Variants in TGFBR3 observed in about 807,000 individuals in gnomAD.
The protein encoded by TGFBR3 is transforming growth factor beta receptor 3, also known as transforming growth factor beta receptor type 3.
Under a neutral mutation model 87.9 loss-of-function variants are expected in TGFBR3, and 46 were observed. The ratio of observed to expected loss-of-function variants is 0.52; its 90% CI spans 0.41 to 0.67. The LOEUF is 0.67. Among genes scored for constraint, TGFBR3 ranks in the 30% least tolerant of loss-of-function variants. The pLI is 0.00. For synonymous variants in TGFBR3, 381 were observed against 391.6 expected, an observed-to-expected ratio of 0.97 and a Z score of 0.32; for missense variants, 866 against 1,041.9, an observed-to-expected ratio of 0.83 and a Z score of 2.32.
chr1:91,802,200 G>C (rs1675655229), intron 2 of TGFBR3, among the ~76,000 whole-genome samples: 1 of 152,130 alleles, frequency 6.6e-6, no homozygotes, highest in African/African-American at 2.4e-5. Context: ...TCTGCCACCA[G>C]CTGTTCCATC....
intron 4 of TGFBR3, among the ~76,000 whole-genome samples, chr1:91,741,494 TA>T (rs1165054923): frequency 6.6e-6 from 1 of 152,132 alleles, no homozygotes; most frequent in Non-Finnish European, 1.5e-5. Flanking sequence ...GCATGACTGA[TA>T]AAACCATTGG....
At chr1:91,887,489 C>T (rs1679358220), upstream of TGFBR3, among the ~76,000 whole-genome samples, 1 of 152,054 alleles carries the variant, frequency 6.6e-6, no homozygotes, top group South Asian at 2.1e-4. Context: ...TGGTCTCAAA[C>T]TCCTGAGCTC....
Position 91,723,480 on chromosome 1 carries a change from TAAAAAA to T in TGFBR3, c.886-1342_886-1337del, listed in dbSNP as rs58578681. On this transcript the variant is annotated intron_variant, in intron 7 of 16. Coordinates refer to ENST00000212355, the MANE Select transcript of TGFBR3 (RefSeq NM_003243.5). ...TGGGTGACAGAGGGAGACCCTGCCTTAAAAAAAAAAAAAAAAAAAAAAAAAAAAGAC... is the reference window on the plus strand; with the variant it reads ...TGGGTGACAGAGGGAGACCCTGCCTTAAAAAAAAAAAAAAAAAAAAAAGAC... Among the ~76,000 whole-genome samples, 600 of 109,078 alleles carry T rather than the reference TAAAAAA, an allele frequency of 5.5e-3. 6 individuals are homozygous for T. Among genetic ancestry groups the T allele is most frequent in the African/African-American group, 0.022 (584 of 26,520 alleles). The allele number at this position is 109,078 out of a possible 152,430, so 71.6% of individuals were successfully genotyped here.
chr1:91,820,028 G>A (rs1278074894), intron 2 of TGFBR3, among the ~76,000 whole-genome samples: 1 of 152,152 alleles, frequency 6.6e-6, no homozygotes, highest in African/African-American at 2.4e-5. Context: ...ATTATTATAA[G>A]ACTCAAATGA....
intron 4 of TGFBR3, among the ~76,000 whole-genome samples, chr1:91,748,072 C>G (rs895932731): frequency 1.3e-5 from 2 of 152,214 alleles, no homozygotes; most frequent in African/African-American, 4.8e-5. Context: ...AACCACAGAC[C>G]TAACAACAGT....
intron 14 of TGFBR3, among the ~76,000 whole-genome samples, chr1:91,702,098 C>A (rs1257841169): frequency 6.6e-6 from 1 of 151,992 alleles, no homozygotes; most frequent in African/African-American, 2.4e-5. Flanking sequence ...TGGGTAGAGA[C>A]CAGGGACACT....
chr1:91,838,775 C>A (rs1245534252), intron 2 of TGFBR3, among the ~76,000 whole-genome samples: 6 of 151,992 alleles, frequency 3.9e-5, no homozygotes. Flanking sequence ...GGCCGCAAAT[C>A]TCTTTTCTTG....
intron 3 of TGFBR3, among the ~76,000 whole-genome samples, chr1:91,778,610 T>A (rs769956530): frequency 2.8e-4 from 43 of 152,328 alleles, no homozygotes; most frequent in Middle Eastern, 3.4e-3. Context: ...ATATATAGAA[T>A]TTCTAGACTT....
At chr1:91,845,138 G>GA (rs1228128170) in intron 2 of TGFBR3, among the ~76,000 whole-genome samples, 4 of 152,170 alleles carry the variant, frequency 2.6e-5, no homozygotes, top group Non-Finnish European at 5.9e-5. Flanking sequence ...ATTTTTGGGG[G>GA]CCTTTCCTGA....
At chr1:91,837,813 T>G (rs1677116442) in intron 2 of TGFBR3, among the ~76,000 whole-genome samples, 1 of 152,156 alleles carries the variant, frequency 6.6e-6, no homozygotes, top group Non-Finnish European at 1.5e-5. Flanking sequence ...AAACTTCTAT[T>G]CTTTTAAAGG....
intron 2 of TGFBR3, among the ~76,000 whole-genome samples, chr1:91,833,892 T>TAAAG (rs966570534): frequency 6.6e-6 from 1 of 152,064 alleles, no homozygotes; most frequent in Non-Finnish European, 1.5e-5. Flanking sequence ...ACTAACATAT[T>TAAAG]AAAGAAAGAA....
chr1:91,842,884 CCAAAA>C (rs978763552), intron 2 of TGFBR3, among the ~76,000 whole-genome samples: 9 of 152,064 alleles, frequency 5.9e-5, no homozygotes, highest in African/African-American at 1.7e-4. Context: ...ACTCAAATCT[CCAAAA>C]CAAAACAAAA....
chr1:91,681,354 TTC>T lies in TGFBR3; in HGVS notation c.*2383_*2384del, dbSNP rs766308427. 1 of 441,536 alleles carries T rather than the reference TTC, an allele frequency of 2.3e-6. No individual in the cohort carries two copies. The highest frequency in any genetic ancestry group is 1.7e-5 in the South Asian group (1 of 59,302). 27.4% of individuals were successfully genotyped at this position (441,536 alleles called of 1,614,324 possible). On this transcript the variant is annotated 3_prime_UTR_variant, in exon 17 of 17. Coordinates refer to ENST00000212355, the MANE Select transcript of TGFBR3 (RefSeq NM_003243.5). ...ACAGATTTCTTGATCTGAATAATAA[TTC>T]TGACAATGAGACCCAAACAAATAAA...
At chr1:91,898,244 G>A (rs1475196120) in intron 2 of TGFBR3, among the ~76,000 whole-genome samples, 3 of 151,892 alleles carry the variant, frequency 2.0e-5, no homozygotes, top group Non-Finnish European at 4.4e-5. Context: ...CCTTTCTTCC[G>A]CATATGTGTG....
chr1:91,804,156 G>A (rs1675747916), intron 2 of TGFBR3, among the ~76,000 whole-genome samples: 1 of 151,904 alleles, frequency 6.6e-6, no homozygotes, highest in African/African-American at 2.4e-5. Context: ...GAGAGCCAAA[G>A]CCTCACTCTT....
Position 91,789,144 on chromosome 1 carries a change from T to C in TGFBR3, c.246+8143A>G, listed in dbSNP as rs1675087106. ...AACCCCGTCTCTACTAAAACTCTAC[T>C]AAAAATACAAAAATTAGCTGGGCAT... On this transcript the variant is annotated intron_variant, in intron 3 of 16. Transcript: ENST00000212355. Among the ~76,000 whole-genome samples, 3 of 152,048 alleles carry C rather than the reference T, an allele frequency of 2.0e-5. No homozygotes were observed. In the South Asian group the frequency reaches 6.2e-4, roughly 32 times the overall value.
intron 4 of TGFBR3, among the ~76,000 whole-genome samples, chr1:91,748,902 T>G (rs1464206224): frequency 1.3e-5 from 2 of 152,128 alleles, no homozygotes; most frequent in Non-Finnish European, 2.9e-5. Flanking sequence ...ACAGGCTTAT[T>G]ATGAAGACTA....
intron 16 of TGFBR3, among the ~76,000 whole-genome samples, chr1:91,695,162 T>G (rs17885160): frequency 1.3e-5 from 2 of 151,798 alleles, no homozygotes; most frequent in African/African-American, 4.8e-5. Context: ...TTTAACTTTA[T>G]AGAAAAACAT....
chr1:91,867,492 G>A (rs1384958644), intron 1 of TGFBR3, among the ~76,000 whole-genome samples: 2 of 152,178 alleles, frequency 1.3e-5, no homozygotes, highest in Non-Finnish European at 2.9e-5. Context: ...GTCCTTAAGA[G>A]CCCTTCCATC....
Sources: gnomAD v4.1 joint callset for allele counts (sites outside exome capture counted in the v4.1 genomes callset) on GRCh38, gnomAD v4.1.1 for gene constraint, MANE v1.5 for transcripts, NCBI Gene and HGNC (gene_info 2026-07-23, HGNC 2026-07-21) for gene names.